LOC400499: variants seen among roughly 807,000 people sequenced by gnomAD.
At chr16:11,403,274 C>T in the LOC400499 span, among the ~76,000 whole-genome samples, 5 of 152,158 alleles carry the variant, frequency 3.3e-5, no homozygotes, top group Non-Finnish European at 4.4e-5. Flanking sequence ...AGGGCATCAC[C>T]CAGTCATTGG....
chr16:11,391,684 G>C, the LOC400499 span: 1 of 1,232,216 alleles, frequency 8.1e-7, no homozygotes, highest in East Asian at 3.2e-5. Context: ...TCCTCCCGCA[G>C]CTGCTCCAGC....
the LOC400499 span, among the ~76,000 whole-genome samples, chr16:11,431,452 C>G: frequency 1.3e-5 from 2 of 152,160 alleles, no homozygotes; most frequent in South Asian, 2.1e-4. Context: ...GTCACCCAGG[C>G]TGGAGTACAG....
chr16:11,511,803 G>C, the LOC400499 span, among the ~76,000 whole-genome samples: 9 of 152,152 alleles, frequency 5.9e-5, no homozygotes, highest in Non-Finnish European at 1.2e-4. Flanking sequence ...GCAGTAGGAG[G>C]ATCACTTGAA....
At chr16:11,483,399 C>T in the LOC400499 span, among the ~76,000 whole-genome samples, 3 of 152,018 alleles carry the variant, frequency 2.0e-5, no homozygotes, top group Non-Finnish European at 2.9e-5. Flanking sequence ...GGAAACAGCT[C>T]GAATGTCAAT....
the LOC400499 span, among the ~76,000 whole-genome samples, chr16:11,419,114 C>T: frequency 8.6e-5 from 13 of 150,762 alleles, no homozygotes; most frequent in Non-Finnish European, 1.3e-4. Context: ...TGCAGTGAGC[C>T]GAGATCACAC....
chr16:11,447,960 G>A, the LOC400499 span: 47 of 1,535,954 alleles, frequency 3.1e-5, no homozygotes, highest in East Asian at 9.8e-5. Context: ...CCCGTTTCCG[G>A]TACAATGTCC....
the LOC400499 span, chr16:11,446,570 C>T: frequency 2.6e-6 from 4 of 1,535,976 alleles, no homozygotes; most frequent in African/African-American, 1.4e-5. Flanking sequence ...TTCCAAGTAA[C>T]CAGGCACCCC....
the LOC400499 span, chr16:11,461,159 C>T: frequency 2.3e-5 from 35 of 1,506,388 alleles, no homozygotes; most frequent in African/African-American, 5.5e-5. Context: ...GGGTCAGCCC[C>T]CAGGGACCAG....
the LOC400499 span, among the ~76,000 whole-genome samples, chr16:11,447,537 G>A: frequency 6.6e-6 from 1 of 152,132 alleles, no homozygotes; most frequent in Non-Finnish European, 1.5e-5. Context: ...TTCTGTTTAG[G>A]CTGTAGCTGA....
At chr16:11,420,500 C>T in the LOC400499 span, among the ~76,000 whole-genome samples, 1 of 149,334 alleles carries the variant, frequency 6.7e-6, no homozygotes, top group Non-Finnish European at 1.5e-5. Context: ...TGCTAAATGA[C>T]GAGTTAATGG....
At chr16:11,498,535 TA>T in the LOC400499 span, among the ~76,000 whole-genome samples, 1 of 151,590 alleles carries the variant, frequency 6.6e-6, no homozygotes, top group African/African-American at 2.4e-5. Context: ...AATCCGAAAT[TA>T]AAAGTTCATT....
the LOC400499 span, among the ~76,000 whole-genome samples, chr16:11,437,300 C>G: frequency 6.6e-6 from 1 of 152,178 alleles, no homozygotes; most frequent in South Asian, 2.1e-4. Context: ...TGACTCACAC[C>G]TGTAACCCCA....
the LOC400499 span, among the ~76,000 whole-genome samples, chr16:11,444,772 T>C: frequency 2.6e-5 from 4 of 152,048 alleles, no homozygotes; most frequent in Non-Finnish European, 5.9e-5. Context: ...GAGCCAGGGA[T>C]TGATGGATCA....
At chr16:11,483,035 A>T in the LOC400499 span, among the ~76,000 whole-genome samples, 1 of 152,260 alleles carries the variant, frequency 6.6e-6, no homozygotes, top group East Asian at 1.9e-4. Flanking sequence ...AAGAAGACGT[A>T]CAATAGCAAA....
At chr16:11,513,459 T>A in the LOC400499 span, among the ~76,000 whole-genome samples, 1 of 150,254 alleles carries the variant, frequency 6.7e-6, no homozygotes, top group African/African-American at 2.5e-5. Context: ...TGAGATGGAG[T>A]CTTACTCTAT....
the LOC400499 span, among the ~76,000 whole-genome samples, chr16:11,405,631 G>A: frequency 6.6e-6 from 1 of 152,090 alleles, no homozygotes; most frequent in African/African-American, 2.4e-5. Flanking sequence ...CTGGGGTGGG[G>A]AAGGAAGTTT....
the LOC400499 span, among the ~76,000 whole-genome samples, chr16:11,427,039 A>G: frequency 6.6e-6 from 1 of 151,942 alleles, no homozygotes; most frequent in Admixed American, 6.6e-5. Context: ...TCTCAAAGGA[A>G]GCTACACGAG....
At chr16:11,422,945 G>A in the LOC400499 span, among the ~76,000 whole-genome samples, 1 of 152,170 alleles carries the variant, frequency 6.6e-6, no homozygotes, top group East Asian at 1.9e-4. Context: ...TTTGCAGATG[G>A]GACCACTCGA....
chr16:11,461,747 C>T, the LOC400499 span, among the ~76,000 whole-genome samples: 1 of 152,128 alleles, frequency 6.6e-6, no homozygotes, highest in Non-Finnish European at 1.5e-5. Flanking sequence ...CCTGTCCTTA[C>T]CTTGGAATCT....
Sources: allele counts gnomAD v4.1 joint callset (sites outside exome capture counted in the v4.1 genomes callset), GRCh38; gene constraint gnomAD v4.1.1; transcripts MANE v1.5.